The following VSTM5 variants were observed in gnomAD, a reference collection of about 807,000 sequenced individuals.
VSTM5 encodes V-set and transmembrane domain containing 5.
Under a neutral mutation model 20.3 loss-of-function variants are expected in VSTM5, and 21 were observed. That is an observed-to-expected ratio of 1.03 (90% CI 0.73 to 1.49). The LOEUF is 1.49. Among genes scored for constraint, VSTM5 ranks in the 40% most tolerant of loss-of-function variants. VSTM5 has a pLI of 0.00. For synonymous variants in VSTM5, 100 were observed against 102.5 expected (o/e 0.98, Z 0.14); for missense variants, 219 against 250.0 (o/e 0.88, Z 0.84).
chr11:93,831,745 G>A (rs777188037), intron 1 of VSTM5, among the ~76,000 whole-genome samples: 6 of 152,242 alleles, frequency 3.9e-5, no homozygotes, highest in African/African-American at 4.8e-5. Context: ...AAAATCACTC[G>A]AAAATGGCAA....
chr11:93,827,159 G>A (rs1944245492), intron 1 of VSTM5, among the ~76,000 whole-genome samples: 1 of 152,088 alleles, frequency 6.6e-6, no homozygotes, highest in Admixed American at 6.5e-5. Flanking sequence ...CGAAGCGAGT[G>A]GATCACCTGA....
chr11:93,826,341 T>C (rs907522494), intron 1 of VSTM5, among the ~76,000 whole-genome samples: 1 of 152,226 alleles, frequency 6.6e-6, no homozygotes, highest in Admixed American at 6.5e-5. Flanking sequence ...TGCTCTTCTT[T>C]TTCTATTAGT....
chr11:93,834,465 T>A (rs1411793319), intron 1 of VSTM5, among the ~76,000 whole-genome samples: 1 of 152,118 alleles, frequency 6.6e-6, no homozygotes, highest in Admixed American at 6.5e-5. Flanking sequence ...TGTCTGTCCC[T>A]GCAGAACTCA....
At chr11:93,822,249 C>T (rs577949314) in intron 1 of VSTM5, among the ~76,000 whole-genome samples, 3 of 151,882 alleles carry the variant, frequency 2.0e-5, no homozygotes, top group Non-Finnish European at 4.4e-5. Context: ...ACCTGGCTAA[C>T]TTTTTGTATT....
In VSTM5 at chr11:93,819,760, G is replaced by C. The variant is rs748785344; in HGVS notation, c.*809C>G. 1.3e-5 allele frequency: 2 copies of C among 152,238 alleles called. No homozygotes were observed. The highest frequency in any genetic ancestry group is 2.9e-5 in the Non-Finnish European group (2 of 68,046). The allele number at this position is 152,238 out of a possible 1,614,324, so 9.4% of individuals were successfully genotyped here. On this transcript the variant is annotated 3_prime_UTR_variant, in exon 4 of 4. Coordinates refer to ENST00000409977, the MANE Select transcript of VSTM5 (RefSeq NM_001144871.2). ...CTTTCACACAGGTGGCATCCAGCTC[G>C]TCAGGAGGCCAGGTGCTGCCCATAA... is the stretch of plus-strand genomic sequence containing the variant.
chr11:93,821,347 T>C, intron 1 of VSTM5, 24 bp from the exon 2 acceptor site: 1 of 1,536,264 alleles, frequency 6.5e-7, no homozygotes, highest in Non-Finnish European at 8.8e-7. Flanking sequence ...TGCTGGATGT[T>C]GGGCACATAT....
intron 1 of VSTM5, among the ~76,000 whole-genome samples, chr11:93,833,645 A>G (rs1005962129): frequency 1.3e-5 from 2 of 152,190 alleles, no homozygotes; most frequent in African/African-American, 4.8e-5. Flanking sequence ...GGTATAAACT[A>G]TCACTTCTCC....
chr11:93,842,099 G>C (rs1944374893), intron 1 of VSTM5, among the ~76,000 whole-genome samples: 1 of 152,186 alleles, frequency 6.6e-6, no homozygotes, highest in Non-Finnish European at 1.5e-5. Flanking sequence ...TATGTAAAGA[G>C]CTTATCAGTC....
intron 1 of VSTM5, among the ~76,000 whole-genome samples, chr11:93,837,823 T>G (rs184066724): frequency 1.1e-3 from 164 of 152,284 alleles, no homozygotes; most frequent in African/African-American, 3.8e-3. Context: ...TGCCTCAGGC[T>G]GTTGCAAACA....
At chr11:93,835,381 T>G (rs945183926) in intron 1 of VSTM5, among the ~76,000 whole-genome samples, 2 of 152,102 alleles carry the variant, frequency 1.3e-5, no homozygotes, top group African/African-American at 4.8e-5. Flanking sequence ...TATGACTGCA[T>G]CACTGCTCTG....
At chr11:93,842,239 T>C (rs1014052863) in intron 1 of VSTM5, among the ~76,000 whole-genome samples, 3 of 152,328 alleles carry the variant, frequency 2.0e-5, no homozygotes, top group Non-Finnish European at 1.5e-5. Context: ...GCTGGAGTTG[T>C]ACCAGGGATT....
chr11:93,827,244 A>G (rs1944246316), intron 1 of VSTM5, among the ~76,000 whole-genome samples: 1 of 152,292 alleles, frequency 6.6e-6, no homozygotes, highest in South Asian at 2.1e-4. Context: ...TTAGCCAGGC[A>G]TGGTGGCACA....
chr11:93,838,271 G>A (rs1408768545), intron 1 of VSTM5, among the ~76,000 whole-genome samples: 1 of 151,902 alleles, frequency 6.6e-6, no homozygotes, highest in Non-Finnish European at 1.5e-5. Flanking sequence ...CCAGAAGTTC[G>A]AGACCAGCCT....
At chr11:93,832,423 C>T (rs1944290275) in intron 1 of VSTM5, among the ~76,000 whole-genome samples, 1 of 152,188 alleles carries the variant, frequency 6.6e-6, no homozygotes. Context: ...CTAAGTTATT[C>T]TAAAAACCAG....
rs953674232 is a variant in VSTM5, at chr11:93,835,222, C to A, written c.92-13899G>T. On this transcript the variant is annotated intron_variant, in intron 1 of 3. Transcript: ENST00000409977. ...GGAGGAATGCTTGAGGCCAGGAGTT[C>A]GAGAGCAGCCTGGGCAGAAAAACAA... Among the ~76,000 whole-genome samples the A allele has an allele frequency of 2.6e-5, 4 of 151,696 alleles. No homozygotes were observed. The South Asian group carries it at 8.3e-4, about 32-fold the overall frequency.
Position 93,850,458 on chromosome 11 carries a change from G to A in VSTM5, c.45C>T (p.Ser15=), listed in dbSNP as rs1944450132. ...PSGRRKTRGI[S]LGLFALCLAA... ...CCAGGCAGAGGGCGAAGAGTCCTAG[G>A]GAGATGCCTCGGGTCTTCCTCCTCC... The change falls in exon 1 of 4, where the codon TCC becomes TCT. Residue 15 remains serine (S), a synonymous_variant. Coordinates refer to ENST00000409977, the MANE Select transcript of VSTM5 (RefSeq NM_001144871.2). 1.9e-6 allele frequency: 3 copies of A among 1,550,068 alleles called. No homozygotes were observed. Among genetic ancestry groups the A allele is most frequent in the African/African-American group, 2.7e-5 (2 of 73,014 alleles).
chr11:93,832,801 T>G (rs1239840246), intron 1 of VSTM5, among the ~76,000 whole-genome samples: 1 of 152,198 alleles, frequency 6.6e-6, no homozygotes, highest in Non-Finnish European at 1.5e-5. Flanking sequence ...TGTCCAAGTC[T>G]TTGCTAAGTA....
intron 1 of VSTM5, 55 bp downstream of exon 1, chr11:93,850,357 T>A: frequency 7.5e-7 from 1 of 1,335,092 alleles, no homozygotes. Context: ...GCCCCGCCCG[T>A]GCCCCCCTAC....
Position 93,821,144 on chromosome 11 carries a change from G to T in VSTM5, c.271C>A (p.Gln91Lys), listed in dbSNP as rs78730301. 4.3e-5 allele frequency: 67 copies of T among 1,552,184 alleles called. No individual in the cohort carries two copies. The highest frequency in any genetic ancestry group is 2.0e-4 in the Admixed American group (10 of 51,010). The change falls in exon 2 of 4, where the codon CAA becomes AAA. Residue 91 changes from glutamine (Q) to lysine (K), a missense_variant. By Grantham distance (53) the Gln-to-Lys change is moderately conservative (BLOSUM62 1). Coordinates refer to ENST00000409977, the MANE Select transcript of VSTM5 (RefSeq NM_001144871.2). ...GTGCAGACTCTGTCCTTGTGGCTTT[G>T]AGAGATGTTGGCCTGAGTCCCTGGT... The part of the protein sequence containing the change: ...WKPGTQANIS[Q>K]SHKDRVCTFD...
Sources: allele counts gnomAD v4.1 joint callset (sites outside exome capture counted in the v4.1 genomes callset), GRCh38; gene constraint gnomAD v4.1.1; transcripts MANE v1.5; gene names NCBI Gene and HGNC (gene_info 2026-07-23, HGNC 2026-07-21).